The following RASGRF2 variants were observed in gnomAD, a reference collection of about 807,000 sequenced individuals.
The protein encoded by RASGRF2 is ras-specific guanine nucleotide-releasing factor 2.
Under a neutral mutation model 151.0 loss-of-function variants are expected in RASGRF2, and 76 were observed. The observed-to-expected ratio is 0.50, with a 90% CI of 0.42 to 0.61. The LOEUF (loss-of-function observed/expected upper bound fraction) is 0.61, where lower values mean the gene tolerates loss of function less well. Ranked by LOEUF, RASGRF2 falls within the 20% of genes least tolerant of loss-of-function variation. RASGRF2 has a pLI of 0.00. For synonymous variants in RASGRF2, 504 were observed against 566.5 expected, an observed-to-expected ratio of 0.89 and a Z score of 1.57; for missense variants, 1,148 against 1,564.6, an observed-to-expected ratio of 0.73 and a Z score of 4.49.
At chr5:81,225,631 C>T (rs774355428) in intron 26 of RASGRF2, 47 bp from the exon 27 acceptor site, 1 of 1,601,322 alleles carries the variant, frequency 6.2e-7, no homozygotes, top group East Asian at 2.3e-5. Flanking sequence ...AATGTACGCA[C>T]TGGTGTCTGA....
chr5:81,036,842 C>A (rs1454645990), intron 1 of RASGRF2, among the ~76,000 whole-genome samples: 1 of 152,108 alleles, frequency 6.6e-6, no homozygotes, highest in Non-Finnish European at 1.5e-5. Context: ...CTTAGTTAAT[C>A]CCTTTATTTG....
At chr5:81,211,802 TC>T (rs1755635687) in intron 22 of RASGRF2, among the ~76,000 whole-genome samples, 1 of 152,224 alleles carries the variant, frequency 6.6e-6, no homozygotes, top group African/African-American at 2.4e-5. Context: ...AAACTATAGG[TC>T]CTTTTAACTG....
chr5:81,005,407 G>C (rs1356190393), intron 1 of RASGRF2, among the ~76,000 whole-genome samples: 1 of 152,112 alleles, frequency 6.6e-6, no homozygotes, highest in Non-Finnish European at 1.5e-5. Context: ...AGGACAGCTT[G>C]AGGGTAATGG....
At chr5:81,109,147 A>C in intron 13 of RASGRF2, 69 bp downstream of exon 13, 1 of 1,547,496 alleles carries the variant, frequency 6.5e-7, no homozygotes, top group Non-Finnish European at 8.8e-7. Context: ...AAAACCTTGA[A>C]TAAAATACTG....
intron 17 of RASGRF2, among the ~76,000 whole-genome samples, chr5:81,147,473 CAT>C (rs1754032827): frequency 1.3e-5 from 2 of 152,222 alleles, no homozygotes; most frequent in African/African-American, 4.8e-5. Context: ...TGATGAGAGA[CAT>C]ATTGGAGCAA....
intron 17 of RASGRF2, among the ~76,000 whole-genome samples, chr5:81,138,223 T>G (rs1278266285): frequency 6.6e-6 from 1 of 152,202 alleles, no homozygotes; most frequent in Non-Finnish European, 1.5e-5. Flanking sequence ...TTTAATGGAC[T>G]GGCATCTTGA....
intron 5 of RASGRF2, among the ~76,000 whole-genome samples, chr5:81,079,570 C>T (rs1354664640): frequency 6.6e-6 from 1 of 152,160 alleles, no homozygotes; most frequent in Non-Finnish European, 1.5e-5. Context: ...GAATTTAGAT[C>T]CCTAAGTTAT....
At chr5:81,134,079 CGTGTGTGTGTGTGT>C in intron 17 of RASGRF2, among the ~76,000 whole-genome samples, 1 of 143,814 alleles carries the variant, frequency 7.0e-6, no homozygotes, top group African/African-American at 2.6e-5. Context: ...TGCTTGTGTG[CGTGTGTGTGTGTGT>C]GTGTGTGTGT....
chr5:81,105,674 G>T (rs1447150753), intron 12 of RASGRF2, among the ~76,000 whole-genome samples: 2 of 152,190 alleles, frequency 1.3e-5, no homozygotes, highest in African/African-American at 4.8e-5. Flanking sequence ...GGCTTCCTCA[G>T]TGTGATTCAG....
rs998834245 is a variant in RASGRF2, at chr5:81,081,252, G to A, written c.1161+463G>A. Reference sequence around the variant, plus strand: ...ATCCTCCCTTCCTGTCGCGGTTGCTGTTGAGTCTCCCCTCGGCTGGAGCCC... The same window carrying A: ...ATCCTCCCTTCCTGTCGCGGTTGCTATTGAGTCTCCCCTCGGCTGGAGCCC... On this transcript the variant is annotated intron_variant, in intron 7 of 26. Transcript: ENST00000265080. Among the ~76,000 whole-genome samples, 3 of 152,266 alleles carry A rather than the reference G, an allele frequency of 2.0e-5. No homozygotes were observed. The East Asian group carries it at 5.8e-4, about 29-fold the overall frequency.
intron 1 of RASGRF2, among the ~76,000 whole-genome samples, chr5:81,004,311 A>G (rs1198740769): frequency 6.6e-6 from 1 of 152,250 alleles, no homozygotes; most frequent in Non-Finnish European, 1.5e-5. Context: ...TATTTGGATT[A>G]TAGGTCTCCT....
intron 18 of RASGRF2, among the ~76,000 whole-genome samples, chr5:81,190,059 A>C (rs1032227440): frequency 6.6e-6 from 1 of 152,026 alleles, no homozygotes; most frequent in African/African-American, 2.4e-5. Context: ...GCACCCATTC[A>C]CTTCTAGCTG....
intron 1 of RASGRF2, among the ~76,000 whole-genome samples, chr5:81,010,904 C>T (rs1749438142): frequency 6.6e-6 from 1 of 152,134 alleles, no homozygotes; most frequent in Non-Finnish European, 1.5e-5. Flanking sequence ...TATTTTTCTA[C>T]TTCTAAATAA....
chr5:81,078,547 G>A (rs1392067694), intron 5 of RASGRF2, among the ~76,000 whole-genome samples: 1 of 152,178 alleles, frequency 6.6e-6, no homozygotes, highest in Non-Finnish European at 1.5e-5. Flanking sequence ...GTGAAGAGGT[G>A]TGTTTTTAAA....
intron 26 of RASGRF2, among the ~76,000 whole-genome samples, chr5:81,224,970 T>G (rs1248845210): frequency 6.6e-6 from 1 of 151,738 alleles, no homozygotes; most frequent in Non-Finnish European, 1.5e-5. Flanking sequence ...GGTGTATACA[T>G]GTCAAAACAG....
intron 1 of RASGRF2, among the ~76,000 whole-genome samples, chr5:80,995,684 T>TC (rs34823229): frequency 0.013 from 903 of 69,252 alleles, 15 homozygotes; most frequent in African/African-American, 0.032. Context: ...TTCCTTTCCT[T>TC]CCCCCCCCCT....
intron 15 of RASGRF2, among the ~76,000 whole-genome samples, chr5:81,118,866 A>G (rs576048545): frequency 6.6e-6 from 1 of 152,298 alleles, no homozygotes; most frequent in East Asian, 1.9e-4. Flanking sequence ...CATAAACACA[A>G]TTCACTCAAG....
chr5:80,994,182 G>A (rs985280133), intron 1 of RASGRF2, among the ~76,000 whole-genome samples: 2 of 151,842 alleles, frequency 1.3e-5, no homozygotes, highest in Admixed American at 6.6e-5. Flanking sequence ...TGGCTAACAC[G>A]GTGAAACCCC....
At chr5:81,078,882 G>A (rs1008795927) in intron 5 of RASGRF2, among the ~76,000 whole-genome samples, 1 of 152,178 alleles carries the variant, frequency 6.6e-6, no homozygotes, top group African/African-American at 2.4e-5. Context: ...CCCTTAAACT[G>A]TTGACTTTCA....
Sources: gnomAD v4.1 joint callset for allele counts (sites outside exome capture counted in the v4.1 genomes callset) on GRCh38, gnomAD v4.1.1 for gene constraint, MANE v1.5 for transcripts, NCBI Gene and HGNC (gene_info 2026-07-23, HGNC 2026-07-21) for gene names.